Variants in CHCHD3 observed in about 807,000 individuals in gnomAD.
CHCHD3 encodes the protein MICOS complex subunit MIC19.
A neutral mutation model predicts 38.2 loss-of-function variants in CHCHD3; 20 were observed. The ratio of observed to expected loss-of-function variants is 0.52; its 90% CI spans 0.37 to 0.76. CHCHD3 has a LOEUF of 0.76. Ranked by LOEUF, CHCHD3 falls within the 30% of genes least tolerant of loss-of-function variation. The probability of loss-of-function intolerance (pLI) is 0.00; values close to 1 mark genes in which losing one functional copy is unlikely to be tolerated. For synonymous variants in CHCHD3, 82 were observed against 100.0 expected (o/e 0.82, Z 1.07); for missense variants, 245 against 279.2 (o/e 0.88, Z 0.87).
chr7:132,815,437 A>C, intron 6 of CHCHD3: 1 of 380,286 alleles, frequency 2.6e-6, no homozygotes, highest in South Asian at 2.0e-5. Context: ...ATGACTGCAC[A>C]TAAAGGACAT....
chr7:132,827,468 G>C (rs528891840), intron 6 of CHCHD3, among the ~76,000 whole-genome samples: 1 of 152,310 alleles, frequency 6.6e-6, no homozygotes, highest in South Asian at 2.1e-4. Flanking sequence ...GTCACATGAG[G>C]TCAGGTGTGG....
At chr7:132,903,804 G>A (rs975554924) in intron 4 of CHCHD3, among the ~76,000 whole-genome samples, 7 of 152,178 alleles carry the variant, frequency 4.6e-5, no homozygotes, top group African/African-American at 9.7e-5. Context: ...AAAGCTCTTC[G>A]CAAGTATTCG....
At chr7:132,985,908 A>C (rs1812106100) in intron 3 of CHCHD3, among the ~76,000 whole-genome samples, 1 of 119,280 alleles carries the variant, frequency 8.4e-6, no homozygotes. Context: ...AGGTGTACTC[A>C]ACAGCTCATT....
In CHCHD3 at chr7:132,959,918, G is replaced by T. The variant is rs1175501550; in HGVS notation, c.369+15251C>A. Among the ~76,000 whole-genome samples, 4 of 151,986 alleles carry T rather than the reference G, an allele frequency of 2.6e-5. No homozygotes were observed. In the East Asian group the frequency reaches 7.7e-4, roughly 29 times the overall value. Reference sequence around the variant, plus strand: ...AAAGGCCAAAGAAAAATGAAAACTAGTGTATTCTGGAAAGAGAACAAGCCA... The same window carrying T: ...AAAGGCCAAAGAAAAATGAAAACTATTGTATTCTGGAAAGAGAACAAGCCA... On this transcript the variant is annotated intron_variant, in intron 4 of 7. Coordinates refer to ENST00000262570, the MANE Select transcript of CHCHD3 (RefSeq NM_017812.4).
chr7:132,836,876 T>C (rs1428608154), intron 6 of CHCHD3, among the ~76,000 whole-genome samples: 8 of 152,188 alleles, frequency 5.3e-5, no homozygotes, highest in African/African-American at 1.7e-4. Context: ...AGAGTGCTCA[T>C]CTGGTCAAAC....
chr7:132,870,597 T>C (rs1039170699), intron 5 of CHCHD3, among the ~76,000 whole-genome samples: 4 of 151,642 alleles, frequency 2.6e-5, no homozygotes, highest in Admixed American at 6.5e-5. Flanking sequence ...TGAAGGCCAC[T>C]TTACAGATGA....
At chr7:132,991,866 C>T (rs574299218) in intron 3 of CHCHD3, among the ~76,000 whole-genome samples, 5 of 152,214 alleles carry the variant, frequency 3.3e-5, no homozygotes, top group African/African-American at 7.2e-5. Flanking sequence ...GGGTGCTTCC[C>T]CTCCTCTCCA....
chr7:132,964,913 C>G (rs1384526901), intron 4 of CHCHD3, among the ~76,000 whole-genome samples: 1 of 152,114 alleles, frequency 6.6e-6, no homozygotes, highest in African/African-American at 2.4e-5. Context: ...ATTTCTCACC[C>G]ACGCTGGTAA....
intron 4 of CHCHD3, among the ~76,000 whole-genome samples, chr7:132,901,706 T>C (rs1208268411): frequency 1.3e-5 from 2 of 152,230 alleles, no homozygotes; most frequent in Admixed American, 6.5e-5. Flanking sequence ...TTGTAGATTC[T>C]GGATATTAGC....
intron 6 of CHCHD3, among the ~76,000 whole-genome samples, chr7:132,812,400 G>A (rs575833789): frequency 6.6e-6 from 1 of 151,468 alleles, no homozygotes; most frequent in African/African-American, 2.4e-5. Context: ...GTAGAGATGG[G>A]GTTTCACCAT....
intron 3 of CHCHD3, 138 bp from the exon 4 acceptor site, chr7:132,975,424 T>C: frequency 3.0e-6 from 2 of 672,438 alleles, no homozygotes; most frequent in Non-Finnish European, 4.9e-6. Flanking sequence ...CCATAATCTA[T>C]CAAAAAAGCA....
At chr7:132,887,778 G>A (rs577206486) in intron 4 of CHCHD3, among the ~76,000 whole-genome samples, 7 of 151,646 alleles carry the variant, frequency 4.6e-5, no homozygotes, top group Non-Finnish European at 8.9e-5. Context: ...TAACAAAAAT[G>A]TAAAATAAAA....
At chr7:132,832,251 C>T (rs916154827) in intron 6 of CHCHD3, among the ~76,000 whole-genome samples, 1 of 152,120 alleles carries the variant, frequency 6.6e-6, no homozygotes, top group African/African-American at 2.4e-5. Flanking sequence ...ATAAGGATAA[C>T]CTAAGCTTCT....
At chr7:133,079,087 C>A (rs1815093708) in intron 1 of CHCHD3, among the ~76,000 whole-genome samples, 2 of 152,146 alleles carry the variant, frequency 1.3e-5, no homozygotes, top group African/African-American at 4.8e-5. Flanking sequence ...CAAAAAAACA[C>A]CCTCAATTAG....
chr7:133,035,027 G>A lies in CHCHD3; in HGVS notation c.170-10400C>T, dbSNP rs1264415071. 2 of 1,612,986 alleles carry A rather than the reference G, an allele frequency of 1.2e-6. No homozygotes were observed. Among genetic ancestry groups the A allele is most frequent in the Non-Finnish European group, 1.7e-6 (2 of 1,179,390 alleles). On this transcript the variant is annotated intron_variant, in intron 2 of 7. Coordinates refer to ENST00000262570, the MANE Select transcript of CHCHD3 (RefSeq NM_017812.4). This position sits in a 1 kb window ranked among gnomAD's most constrained non-coding sequence, Gnocchi z 4.7. ...GTGCCACAGAGAGTGTGTCCTCATTGGAGTACTTGCGCTTAAATTCATCCA... is the reference window on the plus strand; with the variant it reads ...GTGCCACAGAGAGTGTGTCCTCATTAGAGTACTTGCGCTTAAATTCATCCA...
chr7:133,050,375 A>AAAAG (rs1814124812), intron 2 of CHCHD3, among the ~76,000 whole-genome samples: 2 of 135,428 alleles, frequency 1.5e-5, no homozygotes, highest in Admixed American at 7.8e-5. Context: ...AAAAAAAAAA[A>AAAAG]TGCAGAATGA....
intron 4 of CHCHD3, among the ~76,000 whole-genome samples, chr7:132,906,357 TACC>T (rs1217251277): frequency 6.6e-6 from 1 of 152,218 alleles, no homozygotes; most frequent in Non-Finnish European, 1.5e-5. Context: ...GAAAACTGCA[TACC>T]ACCTGCTATT....
intron 5 of CHCHD3, among the ~76,000 whole-genome samples, chr7:132,876,013 G>C (rs1053101795): frequency 1.4e-4 from 22 of 152,200 alleles, no homozygotes; most frequent in African/African-American, 4.8e-4. Flanking sequence ...ACGCACAGCT[G>C]TCTCATGGTC....
chr7:132,824,420 G>T (rs376508300), intron 6 of CHCHD3, among the ~76,000 whole-genome samples: 1 of 147,396 alleles, frequency 6.8e-6, no homozygotes, highest in Non-Finnish European at 1.5e-5. Flanking sequence ...CTGGGTTCAC[G>T]CCATTCTCCT....
Sources: gnomAD v4.1 joint callset for allele counts (sites outside exome capture counted in the v4.1 genomes callset) on GRCh38, gnomAD v4.1.1 for gene constraint, Gnocchi (gnomAD v3.1) non-coding constraint, MANE v1.5 for transcripts, NCBI Gene and HGNC (gene_info 2026-07-23, HGNC 2026-07-21) for gene names.